The following ZNF331 variants were observed in gnomAD, a reference collection of about 807,000 sequenced individuals.
ZNF331 encodes C2H2-like zinc finger protein rearranged in thyroid adenomas.
A neutral mutation model predicts 7.0 loss-of-function variants in ZNF331; 2 were observed. The ratio of observed to expected loss-of-function variants is 0.29; its 90% CI spans 0.12 to 0.90. The LOEUF (loss-of-function observed/expected upper bound fraction) is 0.90, where lower values mean the gene tolerates loss of function less well. Ranked by LOEUF, ZNF331 falls within the 40% of genes least tolerant of loss-of-function variation. The pLI, the probability that ZNF331 is intolerant of heterozygous loss-of-function variation, is 0.58. For synonymous variants in ZNF331, 196 were observed against 205.4 expected, an observed-to-expected ratio of 0.95 and a Z score of 0.39; for missense variants, 432 against 587.7, an observed-to-expected ratio of 0.74 and a Z score of 2.74.
chr19:53,563,646 T>C (rs1424862598), intron 3 of ZNF331: 1 of 152,146 alleles, frequency 6.6e-6, no homozygotes, highest in Non-Finnish European at 1.5e-5. Context: ...GTAATGTTGA[T>C]CTTCAATAAT....
intron 3 of ZNF331, among the ~76,000 whole-genome samples, chr19:53,565,217 A>G (rs1444658388): frequency 6.6e-6 from 1 of 152,256 alleles, no homozygotes. Context: ...TCCAGGTCAC[A>G]CACTCAGAGA....
chr19:53,576,571 C>T lies in ZNF331; in HGVS notation c.137-126C>T, dbSNP rs144927498. On this transcript the variant is annotated intron_variant, in intron 5 of 5. Coordinates refer to ENST00000449416, the MANE Select transcript of ZNF331 (RefSeq NM_001079906.2). ...GTAGAATCTACATTTTAACAAGAGC[C>T]CTGGGTGATTCACATTTATTCTACT... is the stretch of plus-strand genomic sequence containing the variant. The T allele has an allele frequency of 6.5e-6, 5 of 763,794 alleles. No homozygotes were observed. The East Asian group carries it at 1.3e-4, about 19-fold the overall frequency. The allele number at this position is 763,794 out of a possible 1,614,324, so 47.3% of individuals were successfully genotyped here.
Position 53,569,394 on chromosome 19 carries a change from A to C in ZNF331, c.9+9A>C, listed in dbSNP as rs775658399. ...CTAAAACAATGGCCCAGGTAAGTGT[A>C]TATTTCTCTTTCCTTCTTGAGCTAT... On this transcript the variant is annotated intron_variant, in intron 4 of 5. Coordinates refer to ENST00000449416, the MANE Select transcript of ZNF331 (RefSeq NM_001079906.2). 2 of 1,613,688 alleles carry C rather than the reference A, an allele frequency of 1.2e-6. No homozygotes were observed. Among genetic ancestry groups the C allele is most frequent in the African/African-American group, 2.7e-5 (2 of 74,876 alleles).
chr19:53,527,637 C>T (rs1011270897), intron 2 of ZNF331, among the ~76,000 whole-genome samples: 2 of 152,196 alleles, frequency 1.3e-5, no homozygotes, highest in Non-Finnish European at 2.9e-5. Flanking sequence ...GTTTCTGGAA[C>T]ATTAAATCCT....
At chr19:53,567,978 T>C (rs1479828282) in intron 3 of ZNF331, among the ~76,000 whole-genome samples, 4 of 152,064 alleles carry the variant, frequency 2.6e-5, no homozygotes, top group Non-Finnish European at 2.9e-5. Context: ...TGGCCAGGTG[T>C]GGTGGCTCAT....
At chr19:53,559,335 C>CACACATATATACACACCAT (rs2089665589) in intron 3 of ZNF331, among the ~76,000 whole-genome samples, 1 of 148,482 alleles carries the variant, frequency 6.7e-6, no homozygotes, top group Non-Finnish European at 1.5e-5. Flanking sequence ...CATATAGAGA[C>CACACATATATACACACCAT]ACACACATAT....
chr19:53,563,516 A>G (rs1367367031), intron 3 of ZNF331, among the ~76,000 whole-genome samples: 2 of 152,160 alleles, frequency 1.3e-5, no homozygotes, highest in Non-Finnish European at 2.9e-5. Flanking sequence ...TTCTTCACAC[A>G]TTAAGCTCTG....
exon 1 of ZNF331, chr19:53,521,335 T>TGTGC (rs2087076561): frequency 5.6e-5 from 3 of 53,918 alleles, no homozygotes; most frequent in African/African-American, 2.1e-4. Flanking sequence ...TGTGTGAGTG[T>TGTGC]GTGTGTGTGT....
chr19:53,503,444 T>G, the ZNF331 span: 1 of 618,574 alleles, frequency 1.6e-6, no homozygotes, highest in East Asian at 2.9e-5. Context: ...AGACTGTACT[T>G]GGAATCCTGG....
upstream of ZNF331, among the ~76,000 whole-genome samples, chr19:53,536,117 A>C (rs1267866983): frequency 6.6e-6 from 1 of 152,160 alleles, no homozygotes; most frequent in East Asian, 1.9e-4. Flanking sequence ...AAGAATCTTT[A>C]AACTAGATTT....
chr19:53,561,458 T>G (rs556607395), intron 3 of ZNF331, among the ~76,000 whole-genome samples: 3 of 152,308 alleles, frequency 2.0e-5, no homozygotes, highest in Admixed American at 2.0e-4. Flanking sequence ...TAATTAATGT[T>G]TCTAGTCCTC....
rs563108555 is a variant in ZNF331, at chr19:53,525,783, C to A, written c.-205+3099C>A. The stretch of plus-strand genomic sequence containing the variant: ...TTCACTTCCTATTTGATTGGCTTTT[C>A]TTTTTGTTGCCTAATTGCTCTGCCT... On this transcript the variant is annotated intron_variant, in intron 2 of 6. Coordinates refer to the ZNF331 transcript ENST00000253144. Among the ~76,000 whole-genome samples, 4 of 152,206 alleles carry A rather than the reference C, an allele frequency of 2.6e-5. No homozygotes were observed. In the South Asian group the frequency reaches 8.3e-4, roughly 32 times the overall value.
chr19:53,569,270 C>A, intron 3 of ZNF331, 34 bp from the exon 4 acceptor site: 1 of 1,277,724 alleles, frequency 7.8e-7, no homozygotes, highest in Non-Finnish European at 1.1e-6. Context: ...ACCCCAGATG[C>A]ACCTCGTTTT....
the ZNF331 span, among the ~76,000 whole-genome samples, chr19:53,505,587 G>A: frequency 1.3e-5 from 2 of 152,156 alleles, no homozygotes; most frequent in African/African-American, 4.8e-5. Flanking sequence ...CGCAGGGGTG[G>A]GTAAAGGTGC....
chr19:53,518,821 C>T (rs951584616), upstream of ZNF331, among the ~76,000 whole-genome samples: 1 of 152,240 alleles, frequency 6.6e-6, no homozygotes, highest in Admixed American at 6.5e-5. Flanking sequence ...GAGGCTTCAG[C>T]AGCAGATGCC....
intron 3 of ZNF331, among the ~76,000 whole-genome samples, chr19:53,568,849 CTTTTTTT>C (rs537822108): frequency 1.3e-5 from 1 of 77,100 alleles, no homozygotes; most frequent in African/African-American, 5.5e-5. Flanking sequence ...CCATGATACT[CTTTTTTT>C]TTTTTTTTTT....
chr19:53,511,469 T>G, the ZNF331 span, among the ~76,000 whole-genome samples: 1 of 152,000 alleles, frequency 6.6e-6, no homozygotes, highest in Non-Finnish European at 1.5e-5. Flanking sequence ...GAAGAAAATT[T>G]AAATCCAAGT....
At chr19:53,550,830 C>A (rs916911425) in intron 2 of ZNF331, among the ~76,000 whole-genome samples, 2 of 149,902 alleles carry the variant, frequency 1.3e-5, no homozygotes, top group Admixed American at 1.3e-4. Context: ...AGCCACCATG[C>A]CTGGCCGTTA....
chr19:53,569,393 T>C lies in ZNF331; in HGVS notation c.9+8T>C, dbSNP rs2090329304. On this transcript the variant is annotated splice_region_variant and intron_variant, in intron 4 of 5. Transcript: ENST00000449416. ...TCTAAAACAATGGCCCAGGTAAGTGTATATTTCTCTTTCCTTCTTGAGCTA... is the reference window on the plus strand; with the variant it reads ...TCTAAAACAATGGCCCAGGTAAGTGCATATTTCTCTTTCCTTCTTGAGCTA... The C allele has an allele frequency of 1.2e-5, 19 of 1,613,810 alleles. No individual in the cohort carries two copies. The highest frequency in any genetic ancestry group is 1.6e-4 in the Middle Eastern group (1 of 6,082).
Sources: allele counts gnomAD v4.1 joint callset (sites outside exome capture counted in the v4.1 genomes callset), GRCh38; gene constraint gnomAD v4.1.1; transcripts MANE v1.5; gene names NCBI Gene and HGNC (gene_info 2026-07-23, HGNC 2026-07-21).